Variants in AGPAT3 observed in about 807,000 individuals in gnomAD.
The protein encoded by AGPAT3 is 1-acyl-sn-glycerol-3-phosphate acyltransferase gamma.
Under a neutral mutation model 47.3 loss-of-function variants are expected in AGPAT3, and 5 were observed. The observed-to-expected ratio is 0.11, with a 90% CI of 0.06 to 0.22. The LOEUF (loss-of-function observed/expected upper bound fraction) is 0.22. AGPAT3 is among the 10% of genes least tolerant of loss of function. AGPAT3 has a pLI of 1.00. For synonymous variants in AGPAT3, 212 were observed against 208.3 expected, an observed-to-expected ratio of 1.02 and a Z score of -0.15; for missense variants, 315 against 493.0, an observed-to-expected ratio of 0.64 and a Z score of 3.42.
chr21:43,942,465 C>T (rs906721033), intron 2 of AGPAT3, among the ~76,000 whole-genome samples: 1 of 152,158 alleles, frequency 6.6e-6, no homozygotes, highest in Non-Finnish European at 1.5e-5. Context: ...AGGTACCTGG[C>T]GACGGACAGC....
Position 43,880,746 on chromosome 21 carries a change from G to T in AGPAT3, c.-112+15401G>T, listed in dbSNP as rs150286619. On this transcript the variant is annotated intron_variant, in intron 1 of 9. Transcript: ENST00000291572. The surrounding 1 kb of genome is among the most constrained non-coding windows in gnomAD (Gnocchi z 4.5). The stretch of plus-strand genomic sequence containing the variant: ...CTCCCCAAAGTGGAAACAAGGACAC[G>T]TCTAGAGACAGGCGCTGGACGTCTC... Among the ~76,000 whole-genome samples the T allele has an allele frequency of 6.6e-6, 1 of 152,198 alleles. No homozygotes were observed.
At chr21:43,979,307 A>AAAAAAAAAAGAAAG (rs1318578804) in intron 8 of AGPAT3, among the ~76,000 whole-genome samples, 1 of 147,096 alleles carries the variant, frequency 6.8e-6, no homozygotes, top group Non-Finnish European at 1.5e-5. Context: ...TCAAAAAAAA[A>AAAAAAAAAAGAAAG]AAAAAAAAAG....
chr21:43,881,654 G>A (rs778506524), intron 1 of AGPAT3, among the ~76,000 whole-genome samples: 112 of 152,180 alleles, frequency 7.4e-4, no homozygotes, highest in Non-Finnish European at 1.3e-3. Flanking sequence ...TAAATAAAAT[G>A]TATTATTAAT....
intron 2 of AGPAT3, among the ~76,000 whole-genome samples, chr21:43,918,156 TG>T (rs1412039513): frequency 6.8e-6 from 1 of 147,698 alleles, no homozygotes; most frequent in African/African-American, 2.6e-5. Context: ...TTGTGGGTGT[TG>T]TGGGAGTTGT....
Position 43,982,218 on chromosome 21 carries a change from G to T in AGPAT3, c.1043-86G>T. The T allele has an allele frequency of 1.0e-6, 1 of 1,001,272 alleles. No homozygotes were observed. 62.0% of individuals were successfully genotyped at this position (1,001,272 alleles called of 1,614,324 possible). ...GGGCAGAGGGACAGGGTCTGGGGCAGAGGAAGGAAGCCCCAGTAACACGTT... is the reference window on the plus strand; with the variant it reads ...GGGCAGAGGGACAGGGTCTGGGGCATAGGAAGGAAGCCCCAGTAACACGTT... On this transcript the variant is annotated intron_variant, in intron 9 of 9. Coordinates refer to ENST00000291572, the MANE Select transcript of AGPAT3 (RefSeq NM_020132.5). The surrounding 1 kb of genome is among the most constrained non-coding windows in gnomAD (Gnocchi z 6.2).
intron 1 of AGPAT3, among the ~76,000 whole-genome samples, chr21:43,900,682 G>A (rs1213366129): frequency 6.6e-6 from 1 of 152,184 alleles, no homozygotes; most frequent in African/African-American, 2.4e-5. Flanking sequence ...TGAGGGAAAG[G>A]GGCGTGGGAG....
intron 2 of AGPAT3, among the ~76,000 whole-genome samples, chr21:43,915,515 G>A (rs1292184390): frequency 5.1e-5 from 7 of 137,692 alleles, no homozygotes; most frequent in East Asian, 2.3e-4. Flanking sequence ...AGGTTCAAGC[G>A]ATTCTCCTGC....
chr21:43,972,302 G>A (rs1269890690), intron 7 of AGPAT3, among the ~76,000 whole-genome samples: 1 of 152,074 alleles, frequency 6.6e-6, no homozygotes, highest in Non-Finnish European at 1.5e-5. Context: ...CCACTACCTC[G>A]CCTGGCTAAT....
intron 2 of AGPAT3, among the ~76,000 whole-genome samples, chr21:43,949,911 C>G (rs1185773245): frequency 6.6e-6 from 1 of 152,248 alleles, no homozygotes; most frequent in Non-Finnish European, 1.5e-5. Flanking sequence ...TCCATATCCT[C>G]CCAAGCTGTA....
chr21:43,916,811 C>T (rs2146136726), intron 2 of AGPAT3, among the ~76,000 whole-genome samples: 3 of 152,272 alleles, frequency 2.0e-5, no homozygotes, highest in South Asian at 4.1e-4. Context: ...AGCACAGACG[C>T]CTGCATCTTC....
intron 3 of AGPAT3, among the ~76,000 whole-genome samples, chr21:43,960,177 C>T (rs926809639): frequency 3.3e-5 from 5 of 152,246 alleles, no homozygotes; most frequent in African/African-American, 1.2e-4. Flanking sequence ...CCAACAGCTC[C>T]CTACATGGCC....
intron 2 of AGPAT3, among the ~76,000 whole-genome samples, chr21:43,928,945 C>T (rs1221087768): frequency 6.6e-6 from 1 of 152,218 alleles, no homozygotes; most frequent in Non-Finnish European, 1.5e-5. Context: ...TGTGTGTACC[C>T]ACCACCCCCA....
intron 3 of AGPAT3, chr21:43,965,760 G>C (rs1202112832): frequency 6.7e-6 from 1 of 150,182 alleles, no homozygotes; most frequent in East Asian, 1.9e-4. Context: ...ACAGGTGCCT[G>C]CCACCACATC....
chr21:43,969,159 C>T lies in AGPAT3; in HGVS notation c.390C>T (p.Pro130=), dbSNP rs75532875. The T allele has an allele frequency of 3.0e-3, 4,862 of 1,614,176 alleles. 33 individuals carry two copies. The Middle Eastern group carries it at 0.033, about 11-fold the overall frequency. Residue 130 remains proline, a synonymous_variant, in exon 5 of 10, where the codon CCC becomes CCT. Transcript: ENST00000291572. The part of the protein sequence containing the change: ...VLAKKELLYV[P]LIGWTWYFLE... ...CTAAGAAGGAGCTGCTCTACGTGCC[C>T]CTCATCGGCTGGACGTGGTACTTTC...
At chr21:43,872,070 C>T (rs572054291) in intron 1 of AGPAT3, among the ~76,000 whole-genome samples, 3 of 152,208 alleles carry the variant, frequency 2.0e-5, no homozygotes, top group Non-Finnish European at 2.9e-5. Flanking sequence ...GCAGGTCTTC[C>T]GAGGTGTCTT....
At chr21:43,899,076 T>C (rs896838558) in intron 1 of AGPAT3, among the ~76,000 whole-genome samples, 1 of 152,238 alleles carries the variant, frequency 6.6e-6, no homozygotes, top group African/African-American at 2.4e-5. Flanking sequence ...ACGTTTTGCA[T>C]CTCAGACTTC....
chr21:43,957,199 G>T (rs1388559588), intron 2 of AGPAT3, among the ~76,000 whole-genome samples: 2 of 152,112 alleles, frequency 1.3e-5, no homozygotes, highest in African/African-American at 4.8e-5. Flanking sequence ...GGCAGAGGGT[G>T]GGGGCCTGTA....
chr21:43,970,868 TA>T lies in AGPAT3; in HGVS notation c.664+76del, dbSNP rs112823395. ...TGCTCACGGAAAATAGTGATTTCTT[TA>T]AAAAAAAAAAAAATGAGTGCATTCC... On this transcript the variant is annotated intron_variant, in intron 6 of 9. Coordinates refer to ENST00000291572, the MANE Select transcript of AGPAT3 (RefSeq NM_020132.5). This position sits in a 1 kb window ranked among gnomAD's most constrained non-coding sequence, Gnocchi z 5.8. 153,527 of 1,033,288 alleles carry T rather than the reference TA, an allele frequency of 0.15. No homozygotes were observed. The highest frequency in any genetic ancestry group is 0.16 in the Non-Finnish European group (123,518 of 780,886). 64.0% of individuals were successfully genotyped at this position (1,033,288 alleles called of 1,614,324 possible). A position where few individuals can be genotyped will look rare whatever the true frequency, so the allele number is the denominator to read the frequency against.
rs2086863045 is a variant in AGPAT3, at chr21:43,920,279, AGT to A, written c.-49+16264_-49+16265del. Among the ~76,000 whole-genome samples, 1 of 151,798 alleles carries A rather than the reference AGT, an allele frequency of 6.6e-6. No homozygotes were observed. The highest frequency in any genetic ancestry group is 1.5e-5 in the Non-Finnish European group (1 of 67,942). The stretch of plus-strand genomic sequence containing the variant: ...GGTGTGTGTAAAGCGTGAATGTGTC[AGT>A]GTGAGAGTGTGTGTGTGCGTGTGAG... On this transcript the variant is annotated intron_variant, in intron 2 of 9. Transcript: ENST00000291572. This position sits in a 1 kb window ranked among gnomAD's most constrained non-coding sequence, Gnocchi z 6.1.
Sources: allele counts gnomAD v4.1 joint callset (sites outside exome capture counted in the v4.1 genomes callset), GRCh38; gene constraint gnomAD v4.1.1; non-coding constraint Gnocchi (gnomAD v3.1); transcripts MANE v1.5; gene names NCBI Gene and HGNC (gene_info 2026-07-23, HGNC 2026-07-21).